CCDC175: variants seen among roughly 807,000 people sequenced by gnomAD.
The protein encoded by CCDC175 is coiled-coil domain-containing protein 175.
CCDC175 carries 100 observed loss-of-function variants against 114.6 expected under a neutral mutation model. The ratio of observed to expected loss-of-function variants is 0.87; its 90% CI spans 0.74 to 1.03. The LOEUF (loss-of-function observed/expected upper bound fraction) is 1.03. Ranked by LOEUF, CCDC175 falls within the 50% of genes least tolerant of loss-of-function variation. CCDC175 has a pLI of 0.00. For missense variants in CCDC175, 880 were observed against 917.8 expected (o/e 0.96, Z 0.53); for synonymous variants, 306 against 308.7 (o/e 0.99, Z 0.09).
chr14:59,571,137 T>C (rs1480524568), intron 3 of CCDC175, among the ~76,000 whole-genome samples: 1 of 100,456 alleles, frequency 1.0e-5, no homozygotes, highest in Non-Finnish European at 1.9e-5. Context: ...ACCCCAAATA[T>C]GAAATTTACC....
At chr14:59,521,085 T>C (rs1893403953) in intron 17 of CCDC175, among the ~76,000 whole-genome samples, 1 of 152,210 alleles carries the variant, frequency 6.6e-6, no homozygotes, top group African/African-American at 2.4e-5. Context: ...GTACTGTTCC[T>C]GGGTATGTCT....
At chr14:59,524,527 G>C (rs369833915) in intron 16 of CCDC175, among the ~76,000 whole-genome samples, 1 of 152,118 alleles carries the variant, frequency 6.6e-6, no homozygotes, top group African/African-American at 2.4e-5. Context: ...CAAATTAGTG[G>C]GGCACCACTA....
At chr14:59,529,231 A>C (rs1351291429) in intron 14 of CCDC175, among the ~76,000 whole-genome samples, 1 of 152,142 alleles carries the variant, frequency 6.6e-6, no homozygotes, top group African/African-American at 2.4e-5. Flanking sequence ...AGAGTTCACA[A>C]CACCACTGGC....
intron 7 of CCDC175, among the ~76,000 whole-genome samples, chr14:59,555,489 C>T (rs952556073): frequency 1.1e-4 from 16 of 152,124 alleles, no homozygotes; most frequent in African/African-American, 3.9e-4. Context: ...CTATTTATGA[C>T]AAACCCACAG....
intron 17 of CCDC175, among the ~76,000 whole-genome samples, chr14:59,513,897 G>A (rs997296618): frequency 1.5e-4 from 23 of 152,166 alleles, no homozygotes; most frequent in South Asian, 2.1e-4. Flanking sequence ...CCCGAGTAGC[G>A]TAACTGGGAG....
In CCDC175 at chr14:59,565,168, G is replaced by C. The variant is rs1034840138; in HGVS notation, c.599C>G (p.Thr200Ser). The stretch of plus-strand genomic sequence containing the variant: ...GTCTTCTCTCTTCAAGTTTATTTTG[G>C]TATAAGTCTCATTTATGTAAACAGT... The part of the protein sequence containing the change: ...TTTVYINETY[T>S]KINLKREDIA... The change falls in exon 5 of 20, where the codon ACC becomes AGC. Residue 200 changes from threonine (T) to serine (S), a missense_variant. Coordinates refer to ENST00000537690, the MANE Select transcript of CCDC175 (RefSeq NM_001164399.2). 6.5e-7 allele frequency: 1 copy of C among 1,537,616 alleles called. No individual in the cohort carries two copies.
At chr14:59,552,822 C>T (rs1453989320) in intron 7 of CCDC175, among the ~76,000 whole-genome samples, 2 of 152,180 alleles carry the variant, frequency 1.3e-5, no homozygotes, top group Non-Finnish European at 2.9e-5. Flanking sequence ...GACAAATGCA[C>T]AAGCTTCAGT....
intron 1 of CCDC175, among the ~76,000 whole-genome samples, chr14:59,576,154 A>T (rs1361600965): frequency 6.6e-6 from 1 of 152,166 alleles, no homozygotes; most frequent in South Asian, 2.1e-4. Flanking sequence ...AACCCTTTAC[A>T]TCTAATTTTT....
rs61363367 is a variant in CCDC175 at position 59,552,568 on chromosome 14, C to G, written c.954-1132G>C. 4.9e-3 allele frequency among the ~76,000 whole-genome samples: 743 copies of G among 152,198 alleles called. 9 individuals are homozygous for G. Among genetic ancestry groups the G allele is most frequent in the Middle Eastern group, 0.031 (9 of 294 alleles). On this transcript the variant is annotated intron_variant, in intron 7 of 19. Transcript: ENST00000537690. ...TTCTAAAAATCAGAGCACCTCCCCCCCTCCAAAAGAACACAGCTCCTCACC... is the reference window on the plus strand; with the variant it reads ...TTCTAAAAATCAGAGCACCTCCCCCGCTCCAAAAGAACACAGCTCCTCACC...
At chr14:59,553,399 C>T (rs963185270) in intron 7 of CCDC175, among the ~76,000 whole-genome samples, 6 of 152,184 alleles carry the variant, frequency 3.9e-5, no homozygotes, top group African/African-American at 1.2e-4. Flanking sequence ...AAATCCTTTA[C>T]AGACAAGCAA....
chr14:59,575,940 T>G (rs1362160039), intron 1 of CCDC175, among the ~76,000 whole-genome samples: 1 of 152,230 alleles, frequency 6.6e-6, no homozygotes, highest in Non-Finnish European at 1.5e-5. Flanking sequence ...AATACGATTA[T>G]CTTGAAGAAA....
intron 10 of CCDC175, 78 bp from the exon 11 acceptor site, chr14:59,540,824 T>C (rs992396214): frequency 3.7e-5 from 45 of 1,207,180 alleles, no homozygotes; most frequent in Non-Finnish European, 5.2e-5. Context: ...GCATAATTTG[T>C]ATGCTCAGTA....
intron 7 of CCDC175, among the ~76,000 whole-genome samples, chr14:59,552,248 C>T (rs768810206): frequency 4.6e-5 from 7 of 152,300 alleles, no homozygotes; most frequent in Non-Finnish European, 7.3e-5. Context: ...GTCAACTGGC[C>T]GGGTACACCT....
intron 8 of CCDC175, among the ~76,000 whole-genome samples, chr14:59,548,958 T>C (rs1224672039): frequency 6.6e-6 from 1 of 152,168 alleles, no homozygotes; most frequent in African/African-American, 2.4e-5. Flanking sequence ...GGTGGTATCC[T>C]ACAGCAAGAA....
chr14:59,569,170 C>G (rs1242896959), intron 3 of CCDC175, among the ~76,000 whole-genome samples: 1 of 152,208 alleles, frequency 6.6e-6, no homozygotes, highest in Non-Finnish European at 1.5e-5. Flanking sequence ...CTGGACTACT[C>G]ATTTCTACAC....
chr14:59,552,131 G>A (rs1245454701), intron 7 of CCDC175, among the ~76,000 whole-genome samples: 4 of 152,184 alleles, frequency 2.6e-5, no homozygotes, highest in South Asian at 2.1e-4. Flanking sequence ...TGGTTCTCCC[G>A]GCACGGAGTT....
intron 17 of CCDC175, among the ~76,000 whole-genome samples, chr14:59,518,863 G>A (rs1304282473): frequency 1.3e-5 from 2 of 152,140 alleles, no homozygotes; most frequent in Non-Finnish European, 2.9e-5. Flanking sequence ...AAAGACACAT[G>A]CACATGTATG....
chr14:59,531,974 T>A, intron 13 of CCDC175, 64 bp from the exon 14 acceptor site: 2 of 820,248 alleles, frequency 2.4e-6, no homozygotes, highest in Non-Finnish European at 1.9e-6. Context: ...CAATTTAAAG[T>A]AGAATATAAG....
Position 59,525,334 on chromosome 14 carries a change from A to G in CCDC175, c.1943T>C (p.Ile648Thr). ...CAGAAGATCTGCTTTTTGGTCATTT[A>G]TATAGAATCCATTTTCTAAGTTCTT... ...TLKNLENGFY[I>T]NDQKADLLLL... is the part of the protein sequence containing the mutation. The change falls in exon 16 of 20, where the codon ATA (isoleucine) becomes ACA (threonine). Residue 648 changes from isoleucine (I) to threonine (T), a missense_variant. Coordinates refer to ENST00000537690, the MANE Select transcript of CCDC175 (RefSeq NM_001164399.2). 1 of 1,502,534 alleles carries G rather than the reference A, an allele frequency of 6.7e-7. No individual in the cohort carries two copies. Among genetic ancestry groups the G allele is most frequent in the Non-Finnish European group, 8.8e-7 (1 of 1,134,886 alleles). 93.1% of individuals were successfully genotyped at this position (1,502,534 alleles called of 1,614,324 possible).
Sources: gnomAD v4.1 joint callset for allele counts (sites outside exome capture counted in the v4.1 genomes callset) on GRCh38, gnomAD v4.1.1 for gene constraint, MANE v1.5 for transcripts, NCBI Gene and HGNC (gene_info 2026-07-23, HGNC 2026-07-21) for gene names.